The following DENND5B variants were observed in gnomAD, a reference collection of about 807,000 sequenced individuals.
The protein encoded by DENND5B is DENN domain-containing protein 5B.
In DENND5B, 34 loss-of-function variants were observed where a neutral mutation model predicts 140.6. The ratio of observed to expected loss-of-function variants is 0.24; its 90% CI spans 0.18 to 0.32. The LOEUF is 0.32. DENND5B is among the 10% of genes least tolerant of loss of function. The pLI is 1.00. For missense variants in DENND5B, 1,142 were observed against 1,560.2 expected (o/e 0.73, Z 4.52); for synonymous variants, 551 against 562.1 (o/e 0.98, Z 0.28).
chr12:31,417,435 C>A (rs1178815231), intron 11 of DENND5B, among the ~76,000 whole-genome samples: 1 of 151,418 alleles, frequency 6.6e-6, no homozygotes, highest in Non-Finnish European at 1.5e-5. Flanking sequence ...AGTTCAGAGT[C>A]CAAACTACAG....
intron 3 of DENND5B, among the ~76,000 whole-genome samples, chr12:31,477,256 A>T (rs1397568834): frequency 6.6e-6 from 1 of 152,070 alleles, no homozygotes; most frequent in Non-Finnish European, 1.5e-5. Context: ...TTTTTTTCTA[A>T]TGGGCTAAAA....
At chr12:31,546,720 C>T (rs1948876044) in intron 1 of DENND5B, among the ~76,000 whole-genome samples, 1 of 152,138 alleles carries the variant, frequency 6.6e-6, no homozygotes, top group Admixed American at 6.6e-5. Context: ...TAAAATTATT[C>T]TGCATTTAAA....
chr12:31,419,472 A>C lies in DENND5B; in HGVS notation c.2471-4024T>G, dbSNP rs1026191934. ...CAAAAAAAAAAAAAGAATGAACACAAGTTAAACATTTTATTTATTTTCTAT... is the reference window on the plus strand; with the variant it reads ...CAAAAAAAAAAAAAGAATGAACACACGTTAAACATTTTATTTATTTTCTAT... On this transcript the variant is annotated intron_variant, in intron 11 of 20. Coordinates refer to ENST00000389082, the MANE Select transcript of DENND5B (RefSeq NM_144973.4). Among the ~76,000 whole-genome samples, 8 of 152,212 alleles carry C rather than the reference A, an allele frequency of 5.3e-5. 1 individual carries two copies. Among genetic ancestry groups the C allele is most frequent in the Admixed American group, 5.2e-4 (8 of 15,282 alleles).
chr12:31,388,226 C>CTTTTTT (rs35891849), intron 20 of DENND5B, among the ~76,000 whole-genome samples: 2 of 91,478 alleles, frequency 2.2e-5, no homozygotes, highest in African/African-American at 4.4e-5. Context: ...TAGGGACTTG[C>CTTTTTT]TTTTTTTTTT....
chr12:31,572,050 C>A (rs891932198), intron 1 of DENND5B, among the ~76,000 whole-genome samples: 5 of 151,976 alleles, frequency 3.3e-5, no homozygotes, highest in Non-Finnish European at 5.9e-5. Flanking sequence ...CATGGAAAAA[C>A]CCCATCCCAA....
Position 31,590,851 on chromosome 12 carries a change from G to C in DENND5B, c.-19C>G. The C allele has an allele frequency of 8.3e-7, 1 of 1,208,834 alleles. No homozygotes were observed. Among genetic ancestry groups the C allele is most frequent in the Non-Finnish European group, 1.0e-6 (1 of 976,306 alleles). 74.9% of individuals were successfully genotyped at this position (1,208,834 alleles called of 1,614,324 possible). A position where few individuals can be genotyped will look rare whatever the true frequency, so the allele number is the denominator to read the frequency against. ...CGCTCATCCCGGCCGCGCTGCTCCA[G>C]GGGCCGCCGCCGCCGCCGCCCGGGA... is the stretch of plus-strand genomic sequence containing the variant. On this transcript the variant is annotated 5_prime_UTR_variant, in exon 1 of 21. Transcript: ENST00000389082.
At chr12:31,459,879 T>C (rs1274500369) in intron 4 of DENND5B, among the ~76,000 whole-genome samples, 1 of 152,166 alleles carries the variant, frequency 6.6e-6, no homozygotes, top group Non-Finnish European at 1.5e-5. Context: ...AAAAACAAAA[T>C]TTATAACGTG....
At chr12:31,456,014 G>A (rs969088299) in intron 4 of DENND5B, among the ~76,000 whole-genome samples, 14 of 148,740 alleles carry the variant, frequency 9.4e-5, no homozygotes, top group African/African-American at 1.5e-4. Flanking sequence ...GTGAGACTCC[G>A]TCTCAAAAAC....
At chr12:31,391,178 TTCTC>T (rs1433318358) in intron 19 of DENND5B, among the ~76,000 whole-genome samples, 1 of 152,102 alleles carries the variant, frequency 6.6e-6, no homozygotes, top group Admixed American at 6.5e-5. Flanking sequence ...ATCTCCTACT[TTCTC>T]TCTCTTGCTG....
At chr12:31,481,018 G>T (rs1012355677) in intron 2 of DENND5B, among the ~76,000 whole-genome samples, 1 of 152,030 alleles carries the variant, frequency 6.6e-6, no homozygotes, top group Non-Finnish European at 1.5e-5. Context: ...AATTAGAATT[G>T]ATTCTTTAAA....
At chr12:31,433,936 A>T (rs1943630693) in intron 7 of DENND5B, among the ~76,000 whole-genome samples, 1 of 152,202 alleles carries the variant, frequency 6.6e-6, no homozygotes, top group Admixed American at 6.5e-5. Context: ...TTGGGGCCGC[A>T]GTGTGCCACG....
intron 3 of DENND5B, 26 bp from the exon 4 acceptor site, chr12:31,460,407 G>A (rs572280763): frequency 6.3e-7 from 1 of 1,591,466 alleles, no homozygotes; most frequent in South Asian, 1.1e-5. Flanking sequence ...AAAAAGGAAA[G>A]GGAAGAGTCC....
Position 31,437,255 on chromosome 12 carries a change from G to A in DENND5B, c.2013-4007C>T, listed in dbSNP as rs1943816385. ...CCTCCCGGGTTCATGCCATTCTCCT[G>A]CCTCAGCCTCCCGAGTAGCTGGGAC... On this transcript the variant is annotated intron_variant, in intron 7 of 20. Transcript: ENST00000389082. Among the ~76,000 whole-genome samples, 4 of 151,552 alleles carry A rather than the reference G, an allele frequency of 2.6e-5. No homozygotes were observed. The South Asian group carries it at 8.4e-4, about 32-fold the overall frequency.
At chr12:31,555,996 T>C (rs1949267277) in intron 1 of DENND5B, among the ~76,000 whole-genome samples, 1 of 152,364 alleles carries the variant, frequency 6.6e-6, no homozygotes, top group Admixed American at 6.5e-5. Context: ...CCTGACCCCT[T>C]GCGCTTCCCG....
chr12:31,403,964 C>A (rs1044023979), intron 14 of DENND5B, among the ~76,000 whole-genome samples: 12 of 148,416 alleles, frequency 8.1e-5, no homozygotes, highest in Non-Finnish European at 1.6e-4. Context: ...TGTCTGTAAT[C>A]CTACCTAGCA....
chr12:31,485,629 G>A (rs1460901418), intron 2 of DENND5B, among the ~76,000 whole-genome samples: 1 of 152,162 alleles, frequency 6.6e-6, no homozygotes, highest in Non-Finnish European at 1.5e-5. Flanking sequence ...TTGGCCTGGG[G>A]GCCATGTATG....
chr12:31,569,060 CTT>C (rs1234009016), intron 1 of DENND5B, among the ~76,000 whole-genome samples: 3 of 93,156 alleles, frequency 3.2e-5, no homozygotes, highest in African/African-American at 1.0e-4. Context: ...AGCAACATAC[CTT>C]TTTTTTTTTT....
chr12:31,441,243 C>G (rs549725011), intron 7 of DENND5B, among the ~76,000 whole-genome samples: 230 of 152,204 alleles, frequency 1.5e-3, no homozygotes, highest in African/African-American at 5.0e-3. Flanking sequence ...ACTTGGGAGG[C>G]TGAGGCAGGA....
chr12:31,416,128 T>C (rs543679438), intron 11 of DENND5B, among the ~76,000 whole-genome samples: 1 of 152,192 alleles, frequency 6.6e-6, no homozygotes, highest in Non-Finnish European at 1.5e-5. Flanking sequence ...TGAGCCACCG[T>C]GCCCAGACCC....
Sources: gnomAD v4.1 joint callset for allele counts (sites outside exome capture counted in the v4.1 genomes callset) on GRCh38, gnomAD v4.1.1 for gene constraint, MANE v1.5 for transcripts, NCBI Gene and HGNC (gene_info 2026-07-23, HGNC 2026-07-21) for gene names.